The following ASTN2 variants were observed in gnomAD, a reference collection of about 807,000 sequenced individuals.
ASTN2 encodes the protein astrotactin 2.
ASTN2 carries 54 observed loss-of-function variants against 139.8 expected under a neutral mutation model. The observed-to-expected ratio is 0.39, with a 90% CI of 0.31 to 0.48. ASTN2 has a LOEUF of 0.48. Ranked by LOEUF, ASTN2 falls within the 20% of genes least tolerant of loss-of-function variation. The pLI is 0.95. For missense variants in ASTN2, 1,565 were observed against 1,725.1 expected, an observed-to-expected ratio of 0.91 and a Z score of 1.64; for synonymous variants, 756 against 719.5, an observed-to-expected ratio of 1.05 and a Z score of -0.81.
rs141627205 is a variant in ASTN2, at chr9:117,220,815, C to T, written c.631-6073G>A. 9.4e-3 allele frequency among the ~76,000 whole-genome samples: 1,433 copies of T among 152,274 alleles called. 29 individuals carry two copies. The highest frequency in any genetic ancestry group is 0.033 in the African/African-American group (1,370 of 41,546). The stretch of plus-strand genomic sequence containing the variant: ...TAATTTAAATGGAAGCCCCAAGAAA[C>T]TAAGGCACTGCCCTTGACCTCTTGA... On this transcript the variant is annotated intron_variant, in intron 2 of 22. Coordinates refer to ENST00000313400, the MANE Select transcript of ASTN2 (RefSeq NM_001365068.1).
intron 10 of ASTN2, among the ~76,000 whole-genome samples, chr9:116,905,476 T>G (rs1834129455): frequency 6.6e-6 from 1 of 152,086 alleles, no homozygotes; most frequent in Non-Finnish European, 1.5e-5. Context: ...TTCGTTAGTA[T>G]AGAAGGGAGT....
intron 3 of ASTN2, among the ~76,000 whole-genome samples, chr9:117,210,573 C>T (rs905404181): frequency 6.6e-6 from 1 of 151,974 alleles, no homozygotes; most frequent in Admixed American, 6.6e-5. Context: ...AAAAGCCTTC[C>T]AACAAAGAAA....
chr9:116,667,057 G>T (rs967783986), intron 16 of ASTN2, among the ~76,000 whole-genome samples: 1 of 143,916 alleles, frequency 6.9e-6, no homozygotes, highest in South Asian at 2.2e-4. Flanking sequence ...CTGTGTTCAA[G>T]CTATTCTCCT....
rs759956720 is a variant in ASTN2, at chr9:116,425,970, C to T, written c.3901G>A (p.Glu1301Lys). Residue 1301 changes from glutamate to lysine, a missense_variant, in exon 23 of 23, where the codon GAG (glutamate) becomes AAG (lysine). Around this residue, in one of 4 missense-constraint regions of ASTN2, gnomAD observed 418 missense variants for 465.8 expected, o/e 0.90. Transcript: ENST00000313400. ...ETVPYLFCRS[E>K]EVRPAGMVWY... ...ACCATGCCTGCAGGCCGGACCTCCT[C>T]GCTGCGGCAGAAAAGATAGGGCACT... is the stretch of plus-strand genomic sequence containing the variant. 10 of 1,614,026 alleles carry T rather than the reference C, an allele frequency of 6.2e-6. No homozygotes were observed. The East Asian group carries it at 1.1e-4, about 18-fold the overall frequency.
chr9:117,221,344 C>T (rs528980263), intron 2 of ASTN2, among the ~76,000 whole-genome samples: 1 of 151,942 alleles, frequency 6.6e-6, no homozygotes, highest in Non-Finnish European at 1.5e-5. Flanking sequence ...TTGGCCTGGC[C>T]TCATTTTAAT....
intron 7 of ASTN2, among the ~76,000 whole-genome samples, chr9:117,006,687 G>C (rs750824884): frequency 6.6e-6 from 1 of 152,094 alleles, no homozygotes; most frequent in African/African-American, 2.4e-5. Flanking sequence ...CTTCCTCAGA[G>C]TAGAATCTGA....
intron 10 of ASTN2, among the ~76,000 whole-genome samples, chr9:116,878,397 G>T (rs1833360537): frequency 6.6e-6 from 1 of 152,174 alleles, no homozygotes; most frequent in African/African-American, 2.4e-5. Flanking sequence ...CATGTCCTTT[G>T]CAGGGGCACA....
intron 10 of ASTN2, among the ~76,000 whole-genome samples, chr9:116,964,083 C>T (rs1357619087): frequency 6.6e-6 from 1 of 152,094 alleles, no homozygotes; most frequent in Admixed American, 6.6e-5. Context: ...AGCATGCCAC[C>T]TGTTTCTTGC....
intron 16 of ASTN2, among the ~76,000 whole-genome samples, chr9:116,691,838 G>A (rs533336111): frequency 6.6e-6 from 1 of 152,300 alleles, no homozygotes; most frequent in Non-Finnish European, 1.5e-5. Flanking sequence ...CTGTTAGAAT[G>A]CATGAGGAAT....
At chr9:117,210,447 T>A (rs1028629360) in intron 3 of ASTN2, among the ~76,000 whole-genome samples, 2 of 151,976 alleles carry the variant, frequency 1.3e-5, no homozygotes, top group Non-Finnish European at 2.9e-5. Flanking sequence ...GTCAATAAAT[T>A]TGAAAACAGA....
chr9:116,430,549 A>C (rs1273264035), intron 22 of ASTN2, among the ~76,000 whole-genome samples: 1 of 152,236 alleles, frequency 6.6e-6, no homozygotes, highest in Non-Finnish European at 1.5e-5. Context: ...TCAAAGCAGA[A>C]TATTATCGTG....
chr9:116,522,729 C>A (rs1197114070), intron 19 of ASTN2, among the ~76,000 whole-genome samples: 1 of 152,062 alleles, frequency 6.6e-6, no homozygotes, highest in Non-Finnish European at 1.5e-5. Context: ...GAATTGTCAG[C>A]AGAGGATAAG....
chr9:117,274,995 T>C (rs1254505215), intron 2 of ASTN2, among the ~76,000 whole-genome samples: 2 of 152,256 alleles, frequency 1.3e-5, no homozygotes, highest in African/African-American at 4.8e-5. Context: ...TTGTGTGACC[T>C]TGAGCAATCT....
intron 2 of ASTN2, among the ~76,000 whole-genome samples, chr9:117,234,864 G>C (rs1042420349): frequency 6.6e-6 from 1 of 152,192 alleles, no homozygotes; most frequent in African/African-American, 2.4e-5. Flanking sequence ...ACAGAAAGCT[G>C]TTTAAAGGTG....
At chr9:117,066,701 G>T (rs2132698925) in intron 5 of ASTN2, among the ~76,000 whole-genome samples, 1 of 152,276 alleles carries the variant, frequency 6.6e-6, no homozygotes, top group Admixed American at 6.5e-5. Flanking sequence ...ACTTTTTAAT[G>T]ATTGCCATTC....
intron 2 of ASTN2, among the ~76,000 whole-genome samples, chr9:117,221,056 A>G (rs1460151052): frequency 1.3e-5 from 2 of 152,218 alleles, no homozygotes; most frequent in Non-Finnish European, 2.9e-5. Flanking sequence ...AAGGTGCTTA[A>G]TAAACACATC....
At chr9:116,578,192 G>C (rs1007077687) in intron 19 of ASTN2, among the ~76,000 whole-genome samples, 1 of 152,174 alleles carries the variant, frequency 6.6e-6, no homozygotes, top group African/African-American at 2.4e-5. Context: ...CAGGGGCTCA[G>C]GCTAAGGGGC....
At chr9:116,987,236 C>A (rs941233249) in intron 7 of ASTN2, among the ~76,000 whole-genome samples, 5 of 152,222 alleles carry the variant, frequency 3.3e-5, no homozygotes, top group Non-Finnish European at 5.9e-5. Context: ...CAGACTTCCC[C>A]CTTGCTGTTC....
chr9:116,458,853 C>G (rs1848405834), intron 20 of ASTN2, among the ~76,000 whole-genome samples: 2 of 151,880 alleles, frequency 1.3e-5, no homozygotes, highest in Admixed American at 1.3e-4. Flanking sequence ...TCTGTAGATT[C>G]AAAATCTCTA....
Sources: gnomAD v4.1 joint callset for allele counts (sites outside exome capture counted in the v4.1 genomes callset) on GRCh38, gnomAD v4.1.1 for gene constraint, gnomAD v4.1.1 regional missense constraint, MANE v1.5 for transcripts, NCBI Gene and HGNC (gene_info 2026-07-23, HGNC 2026-07-21) for gene names.